The following CAVIN3 variants were observed in gnomAD, a reference collection of about 807,000 sequenced individuals.
CAVIN3 encodes caveolae-associated protein 3.
In CAVIN3, 11 loss-of-function variants were observed where a neutral mutation model predicts 8.2. The observed-to-expected ratio is 1.35, with a 90% CI of 0.85 to 2.23. The LOEUF is 2.23. Ranked by LOEUF, CAVIN3 falls within the 30% of genes most tolerant of loss-of-function variation. The pLI, the probability that CAVIN3 is intolerant of heterozygous loss-of-function variation, is 0.00. For missense variants in CAVIN3, 401 were observed against 359.5 expected (o/e 1.12, Z -0.93); for synonymous variants, 191 against 166.3 (o/e 1.15, Z -1.14).
rs1371196720 is a variant in CAVIN3, at chr11:6,320,183, G to C, written c.294C>G (p.Arg98=). Residue 98 remains arginine (R), a synonymous_variant, in exon 1 of 2, where the codon CGC becomes CGG. Transcript: ENST00000303927. ...VSSHANAAQE[R]AVRRAAQVQR... ...GCACCTGGGCTGCGCGGCGCACCGC[G>C]CGCTCTTGGGCGGCGTTGGCGTGCG... 1.9e-6 allele frequency: 3 copies of C among 1,568,664 alleles called. No individual in the cohort carries two copies. The highest frequency in any genetic ancestry group is 1.7e-6 in the Non-Finnish European group (2 of 1,165,546).
chr11:6,319,636 T>C, intron 1 of CAVIN3, 72 bp from the exon 2 acceptor site: 1 of 1,504,406 alleles, frequency 6.6e-7, no homozygotes, highest in Non-Finnish European at 8.9e-7. Context: ...ACTCCTTAAT[T>C]ACACAAGGGA....
Position 6,319,535 on chromosome 11 carries a change from G to T in CAVIN3, c.414C>A (p.Phe138Leu). 1 of 1,589,676 alleles carries T rather than the reference G, an allele frequency of 6.3e-7. No individual in the cohort carries two copies. Among genetic ancestry groups the T allele is most frequent in the South Asian group, 1.1e-5 (1 of 88,866 alleles). ...GGCCCAAGGGCTCTGGTGCCTTCTG[G>T]AAAGCGCTGGCTGGGACTTCACCCT... ...KEEGEVPASA[F>L]QKAPEPLGPA... is the part of the protein sequence containing the mutation. The change falls in exon 2 of 2, where the codon TTC becomes TTA. Residue 138 changes from phenylalanine to leucine, a missense_variant. Physicochemically the swap from Phe to Leu is conservative, Grantham distance 22 (BLOSUM62 0). Transcript: ENST00000303927.
chr11:6,319,661 G>A lies in CAVIN3; in HGVS notation c.385-97C>T, dbSNP rs775068391. ...TACACAAGGGAAACCTTTTACCTCC[G>A]CAGCCAGAGTCTGGGGGGAAAGGCA... On this transcript the variant is annotated intron_variant, in intron 1 of 1. Coordinates refer to ENST00000303927, the MANE Select transcript of CAVIN3 (RefSeq NM_145040.3). The A allele has an allele frequency of 9.2e-6, 13 of 1,412,456 alleles. No homozygotes were observed. The African/African-American group carries it at 1.8e-4, about 20-fold the overall frequency. 87.5% of individuals were successfully genotyped at this position (1,412,456 alleles called of 1,614,324 possible). A position where few individuals can be genotyped will look rare whatever the true frequency, so the allele number is the denominator to read the frequency against.
rs770943639 is a variant in CAVIN3 at position 6,320,164 on chromosome 11, G to T, written c.313C>A (p.Gln105Lys). Residue 105 changes from glutamine (Q) to lysine (K), a missense_variant, in exon 1 of 2, where the codon CAG (glutamine) becomes AAG (lysine). Gln to Lys is a moderately conservative substitution (Grantham distance 53). Transcript: ENST00000303927. ...AQERAVRRAA[Q>K]VQRLEANHGL... Reference sequence around the variant, plus strand: ...TGGTTGGCCTCCAGCCGCTGCACCTGGGCTGCGCGGCGCACCGCGCGCTCT... The same window carrying T: ...TGGTTGGCCTCCAGCCGCTGCACCTTGGCTGCGCGGCGCACCGCGCGCTCT... The T allele has an allele frequency of 2.5e-6, 4 of 1,578,852 alleles. No homozygotes were observed. The South Asian group carries it at 4.5e-5, about 18-fold the overall frequency.
chr11:6,319,644 G>C (rs901921236), intron 1 of CAVIN3, 80 bp from the exon 2 acceptor site: 10 of 1,496,378 alleles, frequency 6.7e-6, no homozygotes, highest in Non-Finnish European at 9.0e-6. Flanking sequence ...ATTACACAAG[G>C]GAAACCTTTT....
Position 6,319,454 on chromosome 11 carries a change from G to C in CAVIN3, c.495C>G (p.Ser165Arg), listed in dbSNP as rs772869857. The change falls in exon 2 of 2, where the codon AGC becomes AGG. Residue 165 changes from serine to arginine, a missense_variant. Transcript: ENST00000303927. ...PEQLEAEVGE[S>R]SDEEPVESRA... ...TGGACTCCACCGGCTCCTCGTCCGA[G>C]CTCTCTCCAACTTCGGCCTCCAGCT... is the stretch of plus-strand genomic sequence containing the variant. The C allele has an allele frequency of 6.2e-7, 1 of 1,610,750 alleles. No individual in the cohort carries two copies. The highest frequency in any genetic ancestry group is 8.5e-7 in the Non-Finnish European group (1 of 1,179,630).
rs539550314 is a variant in CAVIN3, at chr11:6,320,253, C to T, written c.224G>A (p.Ser75Asn). The change falls in exon 1 of 2, where the codon AGC becomes AAC. Residue 75 changes from serine to asparagine, a missense_variant. Physicochemically the swap from Ser to Asn is conservative, Grantham distance 46. Transcript: ENST00000303927. ...GGCCAGCAGCTGCGCCAAGGTGTTG[C>T]TGGTGGTGTCGTGGCTGCGACTCAG... ...GALSRSHDTT[S>N]NTLAQLLAKA... 730 of 1,564,698 alleles carry T rather than the reference C, an allele frequency of 4.7e-4. 8 individuals carry two copies. The South Asian group carries it at 7.9e-3, about 17-fold the overall frequency.
chr11:6,320,454 C>G lies in CAVIN3; in HGVS notation c.23G>C (p.Arg8Pro), dbSNP rs2682123. 1,485,054 of 1,534,320 alleles carry G rather than the reference C, an allele frequency of 0.97. 719,147 individuals are homozygous for G. The highest frequency in any genetic ancestry group is 1 in the East Asian group (42,871 of 42,876). ...CGCCGGCGCCTCGGGCACAGGCCCC[C>G]GCTCCAACGCACTCTCCCTCATGAT... is the stretch of plus-strand genomic sequence containing the variant. MRESALE[R>P]GPVPEAPAGG... Residue 8 changes from arginine to proline, a missense_variant, in exon 1 of 2, where the codon CGG (arginine) becomes CCG (proline). Physicochemically the swap from Arg to Pro is moderately radical, Grantham distance 103 (BLOSUM62 -2). Coordinates refer to ENST00000303927, the MANE Select transcript of CAVIN3 (RefSeq NM_145040.3).
chr11:6,320,090 G>A lies in CAVIN3; in HGVS notation c.384+3C>T, dbSNP rs747932642. Reference sequence around the variant, plus strand: ...GGATTGGGGACCGTTTGAGGTCACTGACCTTGAAGAGCAGAACGTGGAGCT... The same window carrying A: ...GGATTGGGGACCGTTTGAGGTCACTAACCTTGAAGAGCAGAACGTGGAGCT... On this transcript the variant is annotated splice_donor_region_variant and intron_variant, in intron 1 of 1. Transcript: ENST00000303927. 5 of 1,584,624 alleles carry A rather than the reference G, an allele frequency of 3.2e-6. No homozygotes were observed. In the African/African-American group the frequency reaches 6.7e-5, roughly 21 times the overall value.
rs753701544 is a variant in CAVIN3 at position 6,320,331 on chromosome 11, C to G, written c.146G>C (p.Arg49Thr). 1.5e-5 allele frequency: 23 copies of G among 1,565,208 alleles called. No individual in the cohort carries two copies. Among genetic ancestry groups the G allele is most frequent in the Non-Finnish European group, 1.8e-5 (21 of 1,164,526 alleles). Residue 49 changes from arginine to threonine, a missense_variant, in exon 1 of 2, where the codon AGG (arginine) becomes ACG (threonine). Physicochemically the swap from Arg to Thr is moderately conservative, Grantham distance 71 (BLOSUM62 -1). Coordinates refer to ENST00000303927, the MANE Select transcript of CAVIN3 (RefSeq NM_145040.3). Reference protein sequence around the residue: ...LRERQGGLARRQGGLAGSVRR... With the variant: ...LRERQGGLARTQGGLAGSVRR... ...CACGGACCCTGCCAGGCCTCCCTGC[C>G]TTCGAGCCAGGCCTCCCTGCCGCTC...
rs752467863 is a variant in CAVIN3 at position 6,319,469 on chromosome 11, G to A, written c.480C>T (p.Ala160=). 3.7e-6 allele frequency: 6 copies of A among 1,609,238 alleles called. No homozygotes were observed. The Admixed American group carries it at 1.0e-4, about 27-fold the overall frequency. The stretch of plus-strand genomic sequence containing the variant: ...CCTCGTCCGAGCTCTCTCCAACTTC[G>A]GCCTCCAGCTGCTCTGGGCCCAGCT... ...QSELGPEQLE[A]EVGESSDEEP... is the part of the protein sequence containing the mutation. Residue 160 remains alanine (A), a synonymous_variant, in exon 2 of 2, where the codon GCC becomes GCT. Coordinates refer to ENST00000303927, the MANE Select transcript of CAVIN3 (RefSeq NM_145040.3).
Position 6,320,281 on chromosome 11 carries a change from C to G in CAVIN3, c.196G>C (p.Ala66Pro), listed in dbSNP as rs772263737. 9.6e-6 allele frequency: 15 copies of G among 1,565,224 alleles called. No homozygotes were observed. The highest frequency in any genetic ancestry group is 3.6e-5 in the Admixed American group (2 of 55,138). The change falls in exon 1 of 2, where the codon GCT becomes CCT. Residue 66 changes from alanine to proline, a missense_variant. Physicochemically the swap from Ala to Pro is conservative, Grantham distance 27. Transcript: ENST00000303927. ...GTGGTGTCGTGGCTGCGACTCAGAG[C>G]GCCCAGGCCGCTCTGGATGCGGCGC... is the stretch of plus-strand genomic sequence containing the variant. The part of the protein sequence containing the change: ...SVRRIQSGLG[A>P]LSRSHDTTSN...
intron 1 of CAVIN3, 173 bp downstream of exon 1, chr11:6,319,920 A>T: frequency 1.3e-6 from 1 of 776,732 alleles, no homozygotes; most frequent in Non-Finnish European, 2.0e-6. Flanking sequence ...AGAGGGAGGG[A>T]TGGGGCTGGG....
rs1265622301 is a variant in CAVIN3, at chr11:6,320,358, C to G, written c.119G>C (p.Arg40Pro). ...TCGAGCCAGGCCTCCCTGCCGCTCC[C>G]GCAGAGTCTCCAGCATGGAGGCCAG... Reference protein sequence around the residue: ...EKLASMLETLRERQGGLARRQ... With the variant: ...EKLASMLETLPERQGGLARRQ... The change falls in exon 1 of 2, where the codon CGG (arginine) becomes CCG (proline). Residue 40 changes from arginine to proline, a missense_variant. By Grantham distance (103) the Arg-to-Pro change is moderately radical. Coordinates refer to ENST00000303927, the MANE Select transcript of CAVIN3 (RefSeq NM_145040.3). The G allele has an allele frequency of 3.8e-6, 6 of 1,583,890 alleles. No individual in the cohort carries two copies. In the Admixed American group the frequency reaches 1.0e-4, roughly 27 times the overall value.
chr11:6,320,462 C>A lies in CAVIN3; in HGVS notation c.15G>T (p.Ala5=), dbSNP rs1846825007. The change falls in exon 1 of 2, where the codon GCG becomes GCT. Residue 5 remains alanine (A), a synonymous_variant. Transcript: ENST00000303927. The part of the protein sequence containing the change: MRES[A]LERGPVPEAP... ...CCTCGGGCACAGGCCCCCGCTCCAA[C>A]GCACTCTCCCTCATGATCCCTGACC... The A allele has an allele frequency of 6.6e-7, 1 of 1,523,772 alleles. No individual in the cohort carries two copies. Among genetic ancestry groups the A allele is most frequent in the Non-Finnish European group, 8.8e-7 (1 of 1,142,806 alleles). 94.4% of individuals were successfully genotyped at this position (1,523,772 alleles called of 1,614,324 possible). A position where few individuals can be genotyped will look rare whatever the true frequency, so the allele number is the denominator to read the frequency against.
chr11:6,320,061 C>G, intron 1 of CAVIN3, 32 bp downstream of exon 1: 4 of 1,549,128 alleles, frequency 2.6e-6, no homozygotes, highest in African/African-American at 1.4e-5. Context: ...CCGGCAAAGG[C>G]CTCGGATTGG....
rs139734641 is a variant in CAVIN3, at chr11:6,319,311, C to G, written c.638G>C (p.Gly213Ala). 822 of 1,606,372 alleles carry G rather than the reference C, an allele frequency of 5.1e-4. 1 individual carries two copies. In the African/African-American group the frequency reaches 9.9e-3, roughly 19 times the overall value. ...CTGGGCTTCAGCGCTCCGGCCAGGC[C>G]CAAGGCGAGGCGGCTTGACCGGGGT... ...PPTPVKPPRL[G>A]PGRSAEAQPE... The change falls in exon 2 of 2, where the codon GGG becomes GCG. Residue 213 changes from glycine to alanine, a missense_variant. Physicochemically the swap from Gly to Ala is moderately conservative, Grantham distance 60. Coordinates refer to ENST00000303927, the MANE Select transcript of CAVIN3 (RefSeq NM_145040.3).
chr11:6,319,049 C>T lies in CAVIN3; in HGVS notation c.*114G>A, dbSNP rs531057330. 172 of 1,128,420 alleles carry T rather than the reference C, an allele frequency of 1.5e-4. 2 individuals are homozygous for T. The Middle Eastern group carries it at 2.5e-3, about 16-fold the overall frequency. 69.9% of individuals were successfully genotyped at this position (1,128,420 alleles called of 1,614,324 possible). On this transcript the variant is annotated 3_prime_UTR_variant, in exon 2 of 2. Transcript: ENST00000303927. ...GGGCTTAAGGAAGGGAGGGCCAGAG[C>T]GCCCGCCTTGGTGGATGTAGGATTC...
chr11:6,319,211 T>C lies in CAVIN3; in HGVS notation c.738A>G (p.Arg246=). The change falls in exon 2 of 2, where the codon AGA becomes AGG. Residue 246 remains arginine, a synonymous_variant. Coordinates refer to ENST00000303927, the MANE Select transcript of CAVIN3 (RefSeq NM_145040.3). ...GCAGAGCTTCTTCGGCAGCCCCAGG[T>C]CTCCCGGGATCTTCCTCGGTGTCCT... The part of the protein sequence containing the change: ...PPQDTEEDPG[R]PGAAEEALLQ... The C allele has an allele frequency of 6.4e-7, 1 of 1,555,576 alleles. No individual in the cohort carries two copies. The highest frequency in any genetic ancestry group is 1.2e-5 in the South Asian group (1 of 80,442).
Sources: gnomAD v4.1 joint callset for allele counts on GRCh38, gnomAD v4.1.1 for gene constraint, MANE v1.5 for transcripts, NCBI Gene and HGNC (gene_info 2026-07-23, HGNC 2026-07-21) for gene names.